Variants in ANKS1B observed in about 807,000 individuals in gnomAD.
The protein encoded by ANKS1B is ankyrin repeat and sterile alpha motif domain-containing protein 1B.
In ANKS1B, 36 loss-of-function variants were observed where a neutral mutation model predicts 148.3. The ratio of observed to expected loss-of-function variants is 0.24; its 90% CI spans 0.19 to 0.32. The LOEUF (loss-of-function observed/expected upper bound fraction) is 0.32. Ranked by LOEUF, ANKS1B falls within the 10% of genes least tolerant of loss-of-function variation. The probability of loss-of-function intolerance (pLI) is 1.00; values close to 1 mark genes in which losing one functional copy is unlikely to be tolerated. For missense variants in ANKS1B, 1,157 were observed against 1,542.6 expected (o/e 0.75, Z 4.19); for synonymous variants, 542 against 560.8 (o/e 0.97, Z 0.47).
intron 25 of ANKS1B, among the ~76,000 whole-genome samples, chr12:98,752,348 T>G (rs2098116328): frequency 6.6e-6 from 1 of 151,692 alleles, no homozygotes; most frequent in African/African-American, 2.4e-5. Flanking sequence ...AACCTCCACC[T>G]CCCGGGTTCA....
intron 17 of ANKS1B, among the ~76,000 whole-genome samples, chr12:98,950,737 T>C (rs1399928939): frequency 3.3e-5 from 5 of 152,144 alleles, no homozygotes; most frequent in Non-Finnish European, 7.3e-5. Context: ...ACTTCTGTCA[T>C]TGTGAGTTTC....
intron 19 of ANKS1B, among the ~76,000 whole-genome samples, chr12:98,826,532 G>C (rs569647354): frequency 6.6e-5 from 10 of 152,082 alleles, no homozygotes; most frequent in African/African-American, 2.4e-4. Context: ...CTGGCCCAGG[G>C]CTAGAATTCC....
chr12:99,264,698 T>C (rs535415462), intron 12 of ANKS1B, among the ~76,000 whole-genome samples: 1 of 152,288 alleles, frequency 6.6e-6, no homozygotes, highest in African/African-American at 2.4e-5. Context: ...TCTTTCTCTA[T>C]TTGCTCACTG....
intron 12 of ANKS1B, among the ~76,000 whole-genome samples, chr12:99,268,256 T>G (rs2076659646): frequency 6.6e-6 from 1 of 152,254 alleles, no homozygotes; most frequent in African/African-American, 2.4e-5. Flanking sequence ...TCTCAGTATC[T>G]GTCATATTAA....
chr12:99,736,190 A>G (rs1301845980), intron 8 of ANKS1B, among the ~76,000 whole-genome samples: 1 of 152,124 alleles, frequency 6.6e-6, no homozygotes, highest in Non-Finnish European at 1.5e-5. Flanking sequence ...AAGAACTAGA[A>G]CAAGACAAAG....
intron 1 of ANKS1B, among the ~76,000 whole-genome samples, chr12:99,930,182 G>A (rs2094577588): frequency 6.6e-6 from 1 of 151,432 alleles, no homozygotes; most frequent in Admixed American, 6.6e-5. Context: ...GTTGAGCAGT[G>A]GTTTGTAGTT....
At chr12:99,310,742 C>T (rs1179059021) in intron 12 of ANKS1B, among the ~76,000 whole-genome samples, 1 of 152,138 alleles carries the variant, frequency 6.6e-6, no homozygotes, top group Non-Finnish European at 1.5e-5. Flanking sequence ...TGCCTGCTTC[C>T]ATAATCATGT....
intron 1 of ANKS1B, among the ~76,000 whole-genome samples, chr12:99,945,353 G>GAA (rs11289819): frequency 4.6e-5 from 6 of 130,696 alleles, no homozygotes; most frequent in Non-Finnish European, 9.8e-5. Flanking sequence ...TGTAAAACCA[G>GAA]AAAAAAAAAA....
At chr12:99,770,543 T>C (rs1023048626) in intron 8 of ANKS1B, among the ~76,000 whole-genome samples, 5 of 152,112 alleles carry the variant, frequency 3.3e-5, no homozygotes, top group African/African-American at 1.2e-4. Context: ...TAAAACAGGC[T>C]ACAGAAAAGG....
At chr12:98,831,994 G>A in intron 18 of ANKS1B, 35 bp downstream of exon 18, 1 of 1,522,464 alleles carries the variant, frequency 6.6e-7, no homozygotes, top group Non-Finnish European at 8.9e-7. Flanking sequence ...CTTAAGATAA[G>A]GGCAGAGAAC....
chr12:99,484,383 A>C (rs1313428138), intron 10 of ANKS1B, among the ~76,000 whole-genome samples: 1 of 151,928 alleles, frequency 6.6e-6, no homozygotes, highest in Non-Finnish European at 1.5e-5. Context: ...GATTTTTAAA[A>C]ATTTATTGAG....
chr12:99,135,531 A>G (rs1399278709), intron 15 of ANKS1B, among the ~76,000 whole-genome samples: 2 of 152,210 alleles, frequency 1.3e-5, no homozygotes, highest in Non-Finnish European at 2.9e-5. Context: ...GGTCACCGAT[A>G]AAAGAAACAA....
chr12:99,297,547 CAG>C (rs1431764716), intron 12 of ANKS1B, among the ~76,000 whole-genome samples: 5 of 152,184 alleles, frequency 3.3e-5, no homozygotes, highest in African/African-American at 7.2e-5. Flanking sequence ...ATGAATAAAA[CAG>C]AGTCTCAATC....
intron 12 of ANKS1B, among the ~76,000 whole-genome samples, chr12:99,325,756 C>T (rs1474419824): frequency 1.3e-5 from 2 of 152,010 alleles, no homozygotes; most frequent in Non-Finnish European, 1.5e-5. Flanking sequence ...TTTATCAGTA[C>T]GATCCTAAAG....
Position 98,745,760 on chromosome 12 carries a change from C to G in ANKS1B, c.3837G>C (p.Lys1279Asn), listed in dbSNP as rs1593293034. ...AGTATCAGAAAATCGTGGTTTCATA[C>G]TTGGTATTAATGCCCCTCTTGGCTT... ...GQEAKRGINTKYETTIF is the reference protein window; with the variant it reads ...GQEAKRGINTNYETTIF Residue 1279 changes from lysine (K) to asparagine (N), a missense_variant, in exon 27 of 27, where the codon AAG becomes AAC. This residue lies in a region of ANKS1B where 46 missense variants were observed against 62.0 expected (regional missense o/e 0.74). Transcript: ENST00000683438. 6.2e-7 allele frequency: 1 copy of G among 1,613,748 alleles called. No individual in the cohort carries two copies. The highest frequency in any genetic ancestry group is 8.5e-7 in the Non-Finnish European group (1 of 1,179,752).
intron 12 of ANKS1B, among the ~76,000 whole-genome samples, chr12:99,283,940 T>C (rs2078793435): frequency 6.6e-6 from 1 of 152,194 alleles, no homozygotes; most frequent in South Asian, 2.1e-4. Context: ...AAGGAAAAAC[T>C]AAATGAATGG....
chr12:99,356,533 C>G (rs1324506658), intron 12 of ANKS1B, among the ~76,000 whole-genome samples: 1 of 152,152 alleles, frequency 6.6e-6, no homozygotes, highest in East Asian at 1.9e-4. Flanking sequence ...GAACGTTGTA[C>G]ACGCTGGCAA....
intron 16 of ANKS1B, among the ~76,000 whole-genome samples, chr12:99,055,728 G>C (rs143295254): frequency 1.3e-5 from 2 of 150,550 alleles, no homozygotes; most frequent in African/African-American, 2.4e-5. Flanking sequence ...ACTTGGGGGG[G>C]GGGGAGGTGG....
intron 20 of ANKS1B, among the ~76,000 whole-genome samples, chr12:98,804,362 G>C (rs1020069368): frequency 1.3e-4 from 19 of 150,698 alleles, no homozygotes; most frequent in Non-Finnish European, 1.6e-4. Context: ...GAATTTATTA[G>C]AAAATAAATT....
Sources: allele counts gnomAD v4.1 joint callset (sites outside exome capture counted in the v4.1 genomes callset), GRCh38; gene constraint gnomAD v4.1.1; regional missense constraint gnomAD v4.1.1; transcripts MANE v1.5; gene names NCBI Gene and HGNC (gene_info 2026-07-23, HGNC 2026-07-21).